ESRP1: variants seen among roughly 807,000 people sequenced by gnomAD.
The protein encoded by ESRP1 is RNA-binding motif protein 35A.
ESRP1 carries 33 observed loss-of-function variants against 81.7 expected under a neutral mutation model. The observed-to-expected ratio is 0.40, with a 90% CI of 0.31 to 0.54. The LOEUF (loss-of-function observed/expected upper bound fraction) is 0.54. Among genes scored for constraint, ESRP1 ranks in the 20% least tolerant of loss-of-function variants. ESRP1 has a pLI of 0.41. For missense variants in ESRP1, 672 were observed against 833.1 expected (o/e 0.81, Z 2.38); for synonymous variants, 320 against 303.3 (o/e 1.06, Z -0.57).
Position 94,668,255 on chromosome 8 carries a change from G to A in ESRP1, c.1233+5G>A, listed in dbSNP as rs765127605. 1 of 1,567,676 alleles carries A rather than the reference G, an allele frequency of 6.4e-7. No homozygotes were observed. Among genetic ancestry groups the A allele is most frequent in the Non-Finnish European group, 8.7e-7 (1 of 1,154,484 alleles). ...ACAGCAGCTGAAGTTCAGCAGGTTGGTTTTAAAAACAAGTATGTTGTACCT... is the reference window on the plus strand; with the variant it reads ...ACAGCAGCTGAAGTTCAGCAGGTTGATTTTAAAAACAAGTATGTTGTACCT... On this transcript the variant is annotated splice_donor_5th_base_variant and intron_variant, in intron 10 of 15. Coordinates refer to ENST00000433389, the MANE Select transcript of ESRP1 (RefSeq NM_017697.4).
At chr8:94,666,308 G>A (rs995765189) in intron 9 of ESRP1, among the ~76,000 whole-genome samples, 3 of 152,202 alleles carry the variant, frequency 2.0e-5, no homozygotes, top group African/African-American at 7.2e-5. Context: ...GATTGCTTGA[G>A]CCTTGGTGTA....
chr8:94,674,202 A>G, intron 11 of ESRP1, 106 bp from the exon 12 acceptor site: 1 of 1,276,234 alleles, frequency 7.8e-7, no homozygotes, highest in Middle Eastern at 2.2e-4. Flanking sequence ...TGTGGCTAAA[A>G]TATCTGTATT....
At chr8:94,656,203 G>C (rs1818408406) in intron 4 of ESRP1, 1 of 129,638 alleles carries the variant, frequency 7.7e-6, no homozygotes, top group African/African-American at 2.9e-5. Context: ...CAGGACCCTA[G>C]TCTCAAAAAA....
intron 4 of ESRP1, among the ~76,000 whole-genome samples, chr8:94,655,185 G>A (rs1818343138): frequency 6.6e-6 from 1 of 151,662 alleles, no homozygotes; most frequent in African/African-American, 2.4e-5. Flanking sequence ...TGCCTCCTGG[G>A]TTCAAAGGAT....
chr8:94,657,023 C>T (rs534532592), intron 4 of ESRP1, among the ~76,000 whole-genome samples: 1 of 152,182 alleles, frequency 6.6e-6, no homozygotes, highest in Non-Finnish European at 1.5e-5. Context: ...AATCCTCAAG[C>T]CTGTTTCACC....
intron 11 of ESRP1, 27 bp downstream of exon 11, chr8:94,671,698 T>TC: frequency 6.3e-7 from 1 of 1,580,154 alleles, no homozygotes; most frequent in Non-Finnish European, 8.7e-7. Context: ...GTGGAAAACT[T>TC]ATTTGCTTTT....
chr8:94,659,655 C>A (rs1275297463), intron 4 of ESRP1, among the ~76,000 whole-genome samples: 2 of 152,192 alleles, frequency 1.3e-5, no homozygotes, highest in Non-Finnish European at 2.9e-5. Flanking sequence ...AGGCCTTATG[C>A]ACCAAATGAT....
chr8:94,701,288 AAG>A (rs1000574374), intron 15 of ESRP1, among the ~76,000 whole-genome samples: 25 of 150,518 alleles, frequency 1.7e-4, no homozygotes, highest in African/African-American at 3.9e-4. Context: ...AAAAAAAAAA[AAG>A]AATTGAGCGA....
chr8:94,687,175 C>T (rs1352008884), intron 13 of ESRP1, among the ~76,000 whole-genome samples: 1 of 152,174 alleles, frequency 6.6e-6, no homozygotes, highest in East Asian at 1.9e-4. Context: ...TGACCCCTCT[C>T]CCCACCCCTA....
rs138058879 is a variant in ESRP1, at chr8:94,664,141, T to TTTTTTTTTTG, written c.645-556_645-555insTTTTTTTTTG. 5.6e-5 allele frequency among the ~76,000 whole-genome samples: 7 copies of TTTTTTTTTTG among 124,664 alleles called. 1 individual carries two copies. The highest frequency in any genetic ancestry group is 8.8e-5 in the Non-Finnish European group (5 of 56,766). 81.8% of individuals were successfully genotyped at this position (124,664 alleles called of 152,430 possible). On this transcript the variant is annotated intron_variant, in intron 6 of 15. Transcript: ENST00000433389. ...TCAGCTTTTTTTTTTTTTTTTTTTT[T>TTTTTTTTTTG]GAGAGGGAGTCTTGCTCTATTGCCC...
chr8:94,703,278 C>T (rs1465485871), intron 15 of ESRP1, among the ~76,000 whole-genome samples: 1 of 151,940 alleles, frequency 6.6e-6, no homozygotes, highest in East Asian at 1.9e-4. Flanking sequence ...CCTCAGCCTC[C>T]CGAGTAGCTG....
intron 13 of ESRP1, among the ~76,000 whole-genome samples, chr8:94,681,325 CAAAAAAAAAAAAAAAA>C (rs1171703394): frequency 0.031 from 967 of 31,338 alleles, 33 homozygotes; most frequent in African/African-American, 0.11. Flanking sequence ...GACTCCATCT[CAAAAAAAAAAAAAAAA>C]AAAAAAAAAA....
intron 4 of ESRP1, among the ~76,000 whole-genome samples, chr8:94,656,546 AC>A (rs1289545360): frequency 6.6e-6 from 1 of 152,256 alleles, no homozygotes; most frequent in Non-Finnish European, 1.5e-5. Context: ...TTTAAGAGTA[AC>A]ATCTCTATCA....
chr8:94,641,568 A>T, intron 1 of ESRP1, 118 bp downstream of exon 1: 1 of 1,419,638 alleles, frequency 7.0e-7, no homozygotes, highest in South Asian at 1.3e-5. Flanking sequence ...CCCACTTGTG[A>T]GTCTGGACCC....
intron 10 of ESRP1, 95 bp downstream of exon 10, chr8:94,668,345 A>G: frequency 8.1e-7 from 1 of 1,227,576 alleles, no homozygotes; most frequent in Non-Finnish European, 1.1e-6. Context: ...TTAAAATAAA[A>G]CTGGCAAAAT....
In ESRP1 at chr8:94,706,111, G is replaced by A. The variant is rs1466552958; in HGVS notation, c.*222G>A. 4 of 620,574 alleles carry A rather than the reference G, an allele frequency of 6.4e-6. No individual in the cohort carries two copies. The African/African-American group carries it at 7.4e-5, about 12-fold the overall frequency. 38.4% of individuals were successfully genotyped at this position (620,574 alleles called of 1,614,324 possible). On this transcript the variant is annotated 3_prime_UTR_variant, in exon 16 of 16. Transcript: ENST00000433389. ...TAGTGAAGCCAAATCGTAACTTACA[G>A]CAAGCAGCATGCAGCATACCTGGCT...
intron 4 of ESRP1, among the ~76,000 whole-genome samples, chr8:94,660,084 G>A (rs923903024): frequency 2.5e-4 from 38 of 152,218 alleles, no homozygotes; most frequent in Non-Finnish European, 5.1e-4. Flanking sequence ...TTACCCAGAA[G>A]ATTTAGCTAA....
chr8:94,656,755 C>T (rs1383927613), intron 4 of ESRP1, among the ~76,000 whole-genome samples: 1 of 151,996 alleles, frequency 6.6e-6, no homozygotes, highest in African/African-American at 2.4e-5. Flanking sequence ...TTTCTTATGG[C>T]AAGGAAAAAT....
At chr8:94,689,657 A>T (rs2554401) in intron 13 of ESRP1, among the ~76,000 whole-genome samples, 2 of 151,448 alleles carry the variant, frequency 1.3e-5, no homozygotes, top group East Asian at 1.9e-4. Context: ...AGAATTTAGG[A>T]TTTTTTTGTT....
Sources: allele counts gnomAD v4.1 joint callset (sites outside exome capture counted in the v4.1 genomes callset), GRCh38; gene constraint gnomAD v4.1.1; transcripts MANE v1.5; gene names NCBI Gene and HGNC (gene_info 2026-07-23, HGNC 2026-07-21).